Variants in CLSPN observed in about 807,000 individuals in gnomAD.
CLSPN encodes the protein claspin, also known as claspin homolog.
CLSPN carries 85 observed loss-of-function variants against 156.3 expected under a neutral mutation model. The observed-to-expected ratio is 0.54, with a 90% CI of 0.46 to 0.65. CLSPN has a LOEUF of 0.65. Ranked by LOEUF, CLSPN falls within the 30% of genes least tolerant of loss-of-function variation. The pLI is 0.00. For missense variants in CLSPN, 1,407 were observed against 1,554.9 expected (o/e 0.90, Z 1.60); for synonymous variants, 534 against 542.4 (o/e 0.98, Z 0.22).
chr1:35,726,719 A>T (rs1641200170), intron 24 of CLSPN, among the ~76,000 whole-genome samples: 2 of 152,100 alleles, frequency 1.3e-5, no homozygotes, highest in African/African-American at 4.8e-5. Flanking sequence ...ACAGAAAACA[A>T]ATCTATTGTG....
intron 8 of CLSPN, among the ~76,000 whole-genome samples, chr1:35,759,980 C>G (rs755259535): frequency 6.6e-6 from 1 of 151,940 alleles, no homozygotes; most frequent in East Asian, 1.9e-4. Context: ...ACTACAGATG[C>G]GTGCCACCAT....
intron 14 of CLSPN, 125 bp from the exon 15 acceptor site, chr1:35,747,117 T>G (rs1641915626): frequency 1.5e-6 from 1 of 655,912 alleles, no homozygotes; most frequent in East Asian, 2.7e-5. Flanking sequence ...GGTCAGGAGA[T>G]CAAGACCATC....
rs1221374268 is a variant in CLSPN at position 35,732,744 on chromosome 1, A to G, written c.*3752T>C. On this transcript the variant is annotated 3_prime_UTR_variant, in exon 25 of 25. Transcript: ENST00000318121. ...CATAGTGGCAGGTCCTGGGGCTTCA[A>G]TTTCATTAAAACATAACTGATGCTG... 1 of 985,400 alleles carries G rather than the reference A, an allele frequency of 1.0e-6. No homozygotes were observed. The allele number at this position is 985,400 out of a possible 1,614,324, so 61.0% of individuals were successfully genotyped here. A position where few individuals can be genotyped will look rare whatever the true frequency, so the allele number is the denominator to read the frequency against.
At chr1:35,738,118 ATAT>A (rs1557501168) in intron 21 of CLSPN, 21 bp from the exon 22 acceptor site, 1 of 66,186 alleles carries the variant, frequency 1.5e-5, no homozygotes. Context: ...AAAAAAATAT[ATAT>A]ATATATATAT....
chr1:35,764,297 C>CT lies in CLSPN; in HGVS notation c.550dup (p.Arg184LysfsTer14). On this transcript the variant is annotated frameshift_variant, in exon 3 of 25. Coordinates refer to ENST00000318121, the MANE Select transcript of CLSPN (RefSeq NM_022111.4). LOFTEE classifies it high-confidence loss of function. ...TTTTGTTTCCTTCTTTTTTAGCTGT[C>CT]TAATTTTTTCCATTTTTCTCTCCTC... 1 of 1,579,314 alleles carries CT rather than the reference C, an allele frequency of 6.3e-7. No homozygotes were observed. Among genetic ancestry groups the CT allele is most frequent in the Non-Finnish European group, 8.5e-7 (1 of 1,170,172 alleles).
chr1:35,755,732 A>AGG (rs568409700), intron 8 of CLSPN, among the ~76,000 whole-genome samples: 62 of 151,766 alleles, frequency 4.1e-4, no homozygotes, highest in African/African-American at 1.4e-3. Flanking sequence ...TTTTAGAGAC[A>AGG]GGGTCTTGCT....
chr1:35,747,215 G>A (rs891095888), intron 14 of CLSPN, among the ~76,000 whole-genome samples: 3 of 152,082 alleles, frequency 2.0e-5, no homozygotes, highest in Non-Finnish European at 2.9e-5. Flanking sequence ...CCAGCTATTC[G>A]GGAGGCTGAG....
At chr1:35,723,559 A>G (rs1201863147) in intron 24 of CLSPN, among the ~76,000 whole-genome samples, 1 of 152,210 alleles carries the variant, frequency 6.6e-6, no homozygotes, top group Non-Finnish European at 1.5e-5. Flanking sequence ...TTTCAGCTTC[A>G]AAGACCTTGT....
At chr1:35,730,807 C>G (rs1641297698), downstream of CLSPN, among the ~76,000 whole-genome samples, 1 of 151,988 alleles carries the variant, frequency 6.6e-6, no homozygotes, top group African/African-American at 2.4e-5. Context: ...TTGCAGTGAG[C>G]TGAGATCGTG....
Position 35,738,116 on chromosome 1 carries a change from ATATATATATAT to A in CLSPN, c.3559-30_3559-20del. ...GCTGTGCCTGAAAAAAAAAAAAAATATATATATATATATATATATATATACAGCATTAAAAG... is the reference window on the plus strand; with the variant it reads ...GCTGTGCCTGAAAAAAAAAAAAAATAATATATATATATACAGCATTAAAAG... On this transcript the variant is annotated intron_variant, in intron 21 of 24. Coordinates refer to ENST00000318121, the MANE Select transcript of CLSPN (RefSeq NM_022111.4). 2 of 211,548 alleles carry A rather than the reference ATATATATATAT, an allele frequency of 9.5e-6. No individual in the cohort carries two copies. Among genetic ancestry groups the A allele is most frequent in the East Asian group, 1.9e-4 (1 of 5,248 alleles). The allele number at this position is 211,548 out of a possible 1,614,324, so 13.1% of individuals were successfully genotyped here.
chr1:35,748,095 C>G, intron 13 of CLSPN, 34 bp from the exon 14 acceptor site: 1 of 1,586,852 alleles, frequency 6.3e-7, no homozygotes, highest in Non-Finnish European at 8.5e-7. Flanking sequence ...AATAACAAAA[C>G]ATTTTACAAA....
At position 35,746,805 on chromosome 1, in the gene CLSPN, C is replaced by T; in HGVS notation, c.2815G>A (p.Glu939Lys). ...TTTCCTGAACAAAGGTTCAGAAGTTCCTCCATGTTCTCTTTCTTGTCACTC... is the reference window on the plus strand; with the variant it reads ...TTTCCTGAACAAAGGTTCAGAAGTTTCTCCATGTTCTCTTTCTTGTCACTC... ...RKSDKKENME[E>K]LLNLCSGKFT... is the part of the protein sequence containing the mutation. Residue 939 changes from glutamate (E) to lysine (K), a missense_variant, in exon 15 of 25, where the codon GAA (glutamate) becomes AAA (lysine). Physicochemically the swap from Glu to Lys is moderately conservative, Grantham distance 56. Transcript: ENST00000318121. The surrounding 1 kb of genome is among the most constrained non-coding windows in gnomAD (Gnocchi z 4.2). The T allele has an allele frequency of 6.2e-7, 1 of 1,613,880 alleles. No individual in the cohort carries two copies. Among genetic ancestry groups the T allele is most frequent in the Non-Finnish European group, 8.5e-7 (1 of 1,179,808 alleles).
At position 35,721,049 on chromosome 1, in the gene CLSPN, C is replaced by A. The variant is rs1641062793; in HGVS notation, c.3910-69G>T. 2.7e-6 allele frequency: 3 copies of A among 1,092,896 alleles called. No individual in the cohort carries two copies. The African/African-American group carries it at 4.7e-5, about 17-fold the overall frequency. The allele number at this position is 1,092,896 out of a possible 1,614,324, so 67.7% of individuals were successfully genotyped here. ...ATGAGAGATAGTTCTGATAATGTTG[C>A]AGACCCTGTTTCCTGCATCTAAACT... On this transcript the variant is annotated intron_variant, in intron 24 of 24. Coordinates refer to the CLSPN transcript ENST00000251195.
chr1:35,767,292 G>A (rs947562206), intron 1 of CLSPN, among the ~76,000 whole-genome samples: 9 of 152,062 alleles, frequency 5.9e-5, no homozygotes, highest in Admixed American at 1.3e-4. Context: ...TAATAATATC[G>A]TAGTATCTAT....
intron 3 of CLSPN, 109 bp from the exon 4 acceptor site, chr1:35,763,430 C>T (rs1433959478): frequency 1.4e-6 from 1 of 706,998 alleles, no homozygotes; most frequent in Non-Finnish European, 2.2e-6. Flanking sequence ...GTTTCATCAA[C>T]AGACAAGCAT....
rs749375140 is a variant in CLSPN at position 35,735,546 on chromosome 1, A to G, written c.*950T>C. 6 of 524,662 alleles carry G rather than the reference A, an allele frequency of 1.1e-5. No individual in the cohort carries two copies. Among genetic ancestry groups the G allele is most frequent in the Non-Finnish European group, 1.5e-5 (6 of 409,492 alleles). 32.5% of individuals were successfully genotyped at this position (524,662 alleles called of 1,614,324 possible). Reference sequence around the variant, plus strand: ...AACATGGTGACTCCCTGTCTCCACTAAAAATACAAAAATTAGCCAGGTGTG... The same window carrying G: ...AACATGGTGACTCCCTGTCTCCACTGAAAATACAAAAATTAGCCAGGTGTG... On this transcript the variant is annotated 3_prime_UTR_variant, in exon 25 of 25. Transcript: ENST00000318121.
In CLSPN at chr1:35,734,627, G is replaced by A. The variant is rs1421456106; in HGVS notation, c.*1869C>T. 1.5e-5 allele frequency: 8 copies of A among 517,378 alleles called. No homozygotes were observed. The highest frequency in any genetic ancestry group is 2.2e-5 in the African/African-American group (1 of 46,200). 32.0% of individuals were successfully genotyped at this position (517,378 alleles called of 1,614,324 possible). A position where few individuals can be genotyped will look rare whatever the true frequency, so the allele number is the denominator to read the frequency against. ...TAGGAGGCGGAGGTTGCAGTAAGCCGAGATCATGCCATTGTATTCCAGCCT... is the reference window on the plus strand; with the variant it reads ...TAGGAGGCGGAGGTTGCAGTAAGCCAAGATCATGCCATTGTATTCCAGCCT... On this transcript the variant is annotated 3_prime_UTR_variant, in exon 25 of 25. Coordinates refer to ENST00000318121, the MANE Select transcript of CLSPN (RefSeq NM_022111.4).
chr1:35,756,898 A>G (rs141387099), intron 8 of CLSPN, among the ~76,000 whole-genome samples: 70 of 152,276 alleles, frequency 4.6e-4, no homozygotes, highest in African/African-American at 1.6e-3. Flanking sequence ...CCTTTGCTGA[A>G]AACCTTTCAG....
chr1:35,737,572 A>G (rs1641520942), intron 22 of CLSPN, 151 bp from the exon 23 acceptor site: 1 of 592,104 alleles, frequency 1.7e-6, no homozygotes, highest in Non-Finnish European at 3.0e-6. Flanking sequence ...AACTATAATA[A>G]TTGGCTCCAA....
Sources: allele counts gnomAD v4.1 joint callset (sites outside exome capture counted in the v4.1 genomes callset), GRCh38; gene constraint gnomAD v4.1.1; non-coding constraint Gnocchi (gnomAD v3.1); transcripts MANE v1.5; gene names NCBI Gene and HGNC (gene_info 2026-07-23, HGNC 2026-07-21).